Variants in IGF1R observed in about 807,000 individuals in gnomAD.
The protein encoded by IGF1R is insulin like growth factor 1 receptor, also known as insulin-like growth factor 1 receptor.
A neutral mutation model predicts 144.6 loss-of-function variants in IGF1R; 44 were observed. That is an observed-to-expected ratio of 0.30 (90% confidence interval 0.24 to 0.39). IGF1R has a LOEUF of 0.39. Ranked by LOEUF, IGF1R falls within the 10% of genes least tolerant of loss-of-function variation. The probability of loss-of-function intolerance (pLI) is 1.00; values close to 1 mark genes in which losing one functional copy is unlikely to be tolerated. For synonymous variants in IGF1R, 795 were observed against 722.8 expected (o/e 1.10, Z -1.60); for missense variants, 1,355 against 1,833.7 (o/e 0.74, Z 4.77).
In IGF1R at chr15:98,913,317, C is replaced by G. The variant is rs75609706; in HGVS notation, c.1828+35C>G. 5.7e-4 allele frequency: 869 copies of G among 1,533,362 alleles called. 2 individuals are homozygous for G. The African/African-American group carries it at 9.6e-3, about 17-fold the overall frequency. The allele number at this position is 1,533,362 out of a possible 1,614,324, so 95.0% of individuals were successfully genotyped here. A position where few individuals can be genotyped will look rare whatever the true frequency, so the allele number is the denominator to read the frequency against. On this transcript the variant is annotated intron_variant, in intron 8 of 20. Transcript: ENST00000650285. ...CCTAGACAAGCCCCCAGCATCCACA[C>G]TTCTTCGCAAGCTCACTGGCCTTGC... is the stretch of plus-strand genomic sequence containing the variant.
intron 2 of IGF1R, among the ~76,000 whole-genome samples, chr15:98,772,393 A>C (rs2055606905): frequency 6.6e-6 from 1 of 151,554 alleles, no homozygotes; most frequent in South Asian, 2.1e-4. Context: ...TATGGAATTA[A>C]TATTGAACAA....
At chr15:98,823,920 A>G in intron 2 of IGF1R, among the ~76,000 whole-genome samples, 1 of 152,216 alleles carries the variant, frequency 6.6e-6, no homozygotes, top group East Asian at 1.9e-4. Context: ...AAGAGGGGGA[A>G]AAAAAGACTA....
Position 98,654,623 on chromosome 15 carries a change from G to C in IGF1R, c.94+4948G>C, listed in dbSNP as rs541313122. ...TATAGGTTGTGATTTTCCCCAATTT[G>C]TTTTCAAAACTCATTTAAAAATCAG... On this transcript the variant is annotated intron_variant, in intron 1 of 20. Coordinates refer to ENST00000650285, the MANE Select transcript of IGF1R (RefSeq NM_000875.5). 1.1e-4 allele frequency among the ~76,000 whole-genome samples: 17 copies of C among 152,124 alleles called. No homozygotes were observed. In the South Asian group the frequency reaches 3.3e-3, roughly 30 times the overall value.
intron 2 of IGF1R, among the ~76,000 whole-genome samples, chr15:98,741,672 T>C (rs2054749100): frequency 6.6e-6 from 1 of 152,218 alleles, no homozygotes; most frequent in South Asian, 2.1e-4. Flanking sequence ...TTTCTTCTTC[T>C]GTAGAGTCTT....
At chr15:98,751,446 G>A (rs1269523934) in intron 2 of IGF1R, among the ~76,000 whole-genome samples, 1 of 152,114 alleles carries the variant, frequency 6.6e-6, no homozygotes, top group Non-Finnish European at 1.5e-5. Context: ...CTGGCTTCAA[G>A]CGATCCTCTC....
intron 2 of IGF1R, among the ~76,000 whole-genome samples, chr15:98,792,271 C>G (rs1596308232): frequency 2.0e-5 from 3 of 152,210 alleles, no homozygotes; most frequent in African/African-American, 7.2e-5. Flanking sequence ...CAGATGGTAG[C>G]TATTTATCTC....
At chr15:98,757,338 A>G (rs1409587582) in intron 2 of IGF1R, among the ~76,000 whole-genome samples, 1 of 151,906 alleles carries the variant, frequency 6.6e-6, no homozygotes, top group Non-Finnish European at 1.5e-5. Context: ...TAATTTTCAT[A>G]TTTTTAGTAG....
chr15:98,675,856 C>G (rs538105829), intron 1 of IGF1R, among the ~76,000 whole-genome samples: 1 of 128,070 alleles, frequency 7.8e-6, no homozygotes, highest in Non-Finnish European at 1.6e-5. Context: ...GAGAGAGTCT[C>G]GCTCTGTTGC....
At chr15:98,872,284 C>T (rs2012824214) in intron 2 of IGF1R, among the ~76,000 whole-genome samples, 4 of 152,174 alleles carry the variant, frequency 2.6e-5, no homozygotes, top group African/African-American at 7.2e-5. Flanking sequence ...TTCTTTGCCA[C>T]ATAGCCCTCC....
At chr15:98,855,751 A>C (rs2011775294) in intron 2 of IGF1R, among the ~76,000 whole-genome samples, 1 of 152,220 alleles carries the variant, frequency 6.6e-6, no homozygotes, top group Non-Finnish European at 1.5e-5. Context: ...AATTGGGCCA[A>C]ATAGGAAAGT....
At chr15:98,836,605 C>T (rs2057108112) in intron 2 of IGF1R, among the ~76,000 whole-genome samples, 1 of 151,772 alleles carries the variant, frequency 6.6e-6, no homozygotes, top group Non-Finnish European at 1.5e-5. Context: ...CACCAATTCT[C>T]ACAGCCAAGA....
chr15:98,846,148 A>C (rs1445619364), intron 2 of IGF1R, among the ~76,000 whole-genome samples: 1 of 152,190 alleles, frequency 6.6e-6, no homozygotes, highest in Non-Finnish European at 1.5e-5. Flanking sequence ...CATTAATATC[A>C]AAGTTGCTCT....
intron 2 of IGF1R, among the ~76,000 whole-genome samples, chr15:98,801,907 G>T (rs975717905): frequency 1.3e-5 from 2 of 152,162 alleles, no homozygotes; most frequent in Non-Finnish European, 2.9e-5. Context: ...TTTGCTGTCC[G>T]TGTTTTGGTG....
At chr15:98,811,666 C>G (rs189466820) in intron 2 of IGF1R, among the ~76,000 whole-genome samples, 1 of 152,074 alleles carries the variant, frequency 6.6e-6, no homozygotes, top group Non-Finnish European at 1.5e-5. Context: ...GTGGCTGACG[C>G]CTGTAATCCC....
At chr15:98,759,798 G>T (rs1262024412) in intron 2 of IGF1R, among the ~76,000 whole-genome samples, 1 of 152,212 alleles carries the variant, frequency 6.6e-6, no homozygotes, top group African/African-American at 2.4e-5. Context: ...GCCCGAACCT[G>T]CTAATGAAAG....
Position 98,959,819 on chromosome 15 carries a change from C to T in IGF1R, c.*2377C>T, listed in dbSNP as rs1363378008. ...TGCTGGTCAGCAGTTTGTCCCACTGCTTTCTCTAGTCTCTATCCCATAGCG... is the reference window on the plus strand; with the variant it reads ...TGCTGGTCAGCAGTTTGTCCCACTGTTTTCTCTAGTCTCTATCCCATAGCG... On this transcript the variant is annotated 3_prime_UTR_variant, in exon 21 of 21. Transcript: ENST00000650285. 2 of 231,578 alleles carry T rather than the reference C, an allele frequency of 8.6e-6. No individual in the cohort carries two copies. Among genetic ancestry groups the T allele is most frequent in the East Asian group, 1.2e-4 (2 of 16,506 alleles). 14.3% of individuals were successfully genotyped at this position (231,578 alleles called of 1,614,324 possible). A position where few individuals can be genotyped will look rare whatever the true frequency, so the allele number is the denominator to read the frequency against.
chr15:98,774,225 T>A (rs2055658273), intron 2 of IGF1R, among the ~76,000 whole-genome samples: 1 of 152,220 alleles, frequency 6.6e-6, no homozygotes, highest in South Asian at 2.1e-4. Flanking sequence ...TTAGAAATGC[T>A]GCCTGTTAAG....
chr15:98,874,052 T>C (rs1478789038), intron 2 of IGF1R, among the ~76,000 whole-genome samples: 1 of 151,972 alleles, frequency 6.6e-6, no homozygotes, highest in African/African-American at 2.4e-5. Flanking sequence ...GGTTTAGAAA[T>C]TTCAAAGGAT....
rs2056586438 is a variant in IGF1R, at chr15:98,811,390, C to T, written c.641-79935C>T. Among the ~76,000 whole-genome samples the T allele has an allele frequency of 4.7e-5, 7 of 148,824 alleles. No homozygotes were observed. The South Asian group carries it at 1.5e-3, about 32-fold the overall frequency. ...AAAAAAAAAAAAAAAATTAGCCAGGCGTGGTTGCGGGCGCCTGTAGTCCCA... is the reference window on the plus strand; with the variant it reads ...AAAAAAAAAAAAAAAATTAGCCAGGTGTGGTTGCGGGCGCCTGTAGTCCCA... On this transcript the variant is annotated intron_variant, in intron 2 of 20. Transcript: ENST00000650285.
Sources: allele counts gnomAD v4.1 joint callset (sites outside exome capture counted in the v4.1 genomes callset), GRCh38; gene constraint gnomAD v4.1.1; transcripts MANE v1.5; gene names NCBI Gene and HGNC (gene_info 2026-07-23, HGNC 2026-07-21).